The following KIF16B variants were observed in gnomAD, a reference collection of about 807,000 sequenced individuals.
KIF16B encodes kinesin-like protein KIF16B.
KIF16B carries 98 observed loss-of-function variants against 156.3 expected under a neutral mutation model. The observed-to-expected ratio is 0.63, with a 90% CI of 0.53 to 0.74. The LOEUF (loss-of-function observed/expected upper bound fraction) is 0.74, where lower values mean the gene tolerates loss of function less well. KIF16B is among the 30% of genes least tolerant of loss of function. The pLI is 0.00. For synonymous variants in KIF16B, 564 were observed against 583.7 expected (o/e 0.97, Z 0.49); for missense variants, 1,421 against 1,606.5 (o/e 0.88, Z 1.97).
At chr20:16,505,279 T>C (rs1232189934) in intron 9 of KIF16B, among the ~76,000 whole-genome samples, 2 of 152,240 alleles carry the variant, frequency 1.3e-5, no homozygotes, top group Non-Finnish European at 2.9e-5. Flanking sequence ...TTGGCTGAAA[T>C]ACTGACATAA....
intron 21 of KIF16B, 139 bp from the exon 22 acceptor site, chr20:16,370,775 T>A (rs1441095018): frequency 1.1e-5 from 7 of 637,954 alleles, no homozygotes; most frequent in Non-Finnish European, 1.8e-5. Context: ...CCCTTCTATA[T>A]AATTTACATC....
At chr20:16,460,767 A>G (rs2067326693) in intron 12 of KIF16B, among the ~76,000 whole-genome samples, 1 of 152,170 alleles carries the variant, frequency 6.6e-6, no homozygotes, top group Non-Finnish European at 1.5e-5. Context: ...TATTAATACA[A>G]ATATAGTCTA....
chr20:16,365,398 T>C (rs1396997247), intron 22 of KIF16B, among the ~76,000 whole-genome samples: 2 of 152,130 alleles, frequency 1.3e-5, no homozygotes, highest in Non-Finnish European at 2.9e-5. Context: ...TAAAAGCCTT[T>C]AGGTATAAGG....
chr20:16,412,922 TA>T (rs2065994903), intron 15 of KIF16B, among the ~76,000 whole-genome samples: 1 of 152,014 alleles, frequency 6.6e-6, no homozygotes, highest in South Asian at 2.1e-4. Flanking sequence ...GAATGGCTGA[TA>T]ATGTAGTTTC....
intron 15 of KIF16B, among the ~76,000 whole-genome samples, chr20:16,407,007 C>T (rs2065803231): frequency 6.6e-6 from 1 of 152,170 alleles, no homozygotes; most frequent in Non-Finnish European, 1.5e-5. Context: ...AAAAACACTG[C>T]TTCTTCTCAA....
At chr20:16,383,862 A>G (rs941400826) in intron 17 of KIF16B, among the ~76,000 whole-genome samples, 1 of 152,234 alleles carries the variant, frequency 6.6e-6, no homozygotes, top group Non-Finnish European at 1.5e-5. Context: ...GTGCACAGCC[A>G]CAAATGCTAC....
intron 25 of KIF16B, among the ~76,000 whole-genome samples, chr20:16,291,633 T>C (rs1003040475): frequency 1.3e-5 from 2 of 152,210 alleles, no homozygotes; most frequent in East Asian, 1.9e-4. Context: ...TATGTGGCCA[T>C]ATAGTCTAAA....
At chr20:16,304,950 G>C (rs2063520801) in intron 25 of KIF16B, among the ~76,000 whole-genome samples, 1 of 152,126 alleles carries the variant, frequency 6.6e-6, no homozygotes. Flanking sequence ...AGCCAGAAAG[G>C]TGACTGCTGG....
At chr20:16,445,623 G>C (rs1458166576) in intron 12 of KIF16B, among the ~76,000 whole-genome samples, 1 of 151,976 alleles carries the variant, frequency 6.6e-6, no homozygotes, top group South Asian at 2.1e-4. Context: ...TTAAATGTCC[G>C]AATCAGGTTT....
chr20:16,290,033 A>G (rs929575359), intron 25 of KIF16B, among the ~76,000 whole-genome samples: 3 of 152,216 alleles, frequency 2.0e-5, no homozygotes, highest in African/African-American at 4.8e-5. Context: ...TTTGGAAAAC[A>G]AAAAAGATGT....
At chr20:16,381,353 CAG>C (rs2065088847) in intron 18 of KIF16B, among the ~76,000 whole-genome samples, 1 of 151,922 alleles carries the variant, frequency 6.6e-6, no homozygotes, top group Non-Finnish European at 1.5e-5. Flanking sequence ...TTTAAAAACT[CAG>C]GGGATATTAT....
chr20:16,423,368 C>T (rs2066271980), intron 15 of KIF16B, among the ~76,000 whole-genome samples: 12 of 151,936 alleles, frequency 7.9e-5, no homozygotes, highest in Admixed American at 7.2e-4. Context: ...TTAAAAGTAA[C>T]AAAATTACAT....
chr20:16,487,825 C>T (rs1226479490), intron 12 of KIF16B, among the ~76,000 whole-genome samples: 2 of 152,192 alleles, frequency 1.3e-5, no homozygotes, highest in Non-Finnish European at 2.9e-5. Context: ...ATTTAAACTT[C>T]AGTCATTTAC....
chr20:16,472,736 C>T (rs1475778123), intron 12 of KIF16B, among the ~76,000 whole-genome samples: 1 of 152,076 alleles, frequency 6.6e-6, no homozygotes. Flanking sequence ...AGAGAACAAA[C>T]CTCTCGGCTG....
At chr20:16,370,059 T>G (rs561699737) in intron 22 of KIF16B, among the ~76,000 whole-genome samples, 9 of 152,292 alleles carry the variant, frequency 5.9e-5, no homozygotes, top group African/African-American at 1.2e-4. Flanking sequence ...TACTATTTTT[T>G]GGGGGTTGAT....
intron 21 of KIF16B, 67 bp downstream of exon 21, chr20:16,371,589 CAAAAAAAAA>C: frequency 4.8e-6 from 3 of 623,214 alleles, no homozygotes; most frequent in East Asian, 6.5e-5. Flanking sequence ...GACTCAGTCT[CAAAAAAAAA>C]AAAAAAAAGG....
rs1568912785 is a variant in KIF16B, at chr20:16,379,718, CGAG to C, written c.2281_2283del (p.Leu761del). On this transcript the variant is annotated inframe_deletion, in exon 19 of 26. Coordinates refer to ENST00000354981, the MANE Select transcript of KIF16B (RefSeq NM_024704.5). ...CGGAGCTGCTCTTCCAGATGGGCCA[CGAG>C]CATGACCTGCTCCTTCTCCTGCTCC... 5 of 1,614,038 alleles carry C rather than the reference CGAG, an allele frequency of 3.1e-6. No homozygotes were observed. In the Admixed American group the frequency reaches 8.3e-5, roughly 27 times the overall value.
At chr20:16,534,293 ATT>A (rs147896924) in intron 1 of KIF16B, among the ~76,000 whole-genome samples, 3,525 of 152,240 alleles carry the variant, frequency 0.023, 51 homozygotes, top group Middle Eastern at 0.078. Context: ...TACTCTTAGT[ATT>A]TATAACACAG....
At chr20:16,442,498 GA>G (rs138474264) in intron 12 of KIF16B, among the ~76,000 whole-genome samples, 8,439 of 151,346 alleles carry the variant, frequency 0.056, 775 homozygotes, top group African/African-American at 0.19. Context: ...ATCACACCTT[GA>G]AAAAAAATTC....
Sources: gnomAD v4.1 joint callset for allele counts (sites outside exome capture counted in the v4.1 genomes callset) on GRCh38, gnomAD v4.1.1 for gene constraint, MANE v1.5 for transcripts, NCBI Gene and HGNC (gene_info 2026-07-23, HGNC 2026-07-21) for gene names.